Variants in SPOCK1 observed in about 807,000 individuals in gnomAD.
SPOCK1 encodes the protein testican-1.
A neutral mutation model predicts 55.3 loss-of-function variants in SPOCK1; 23 were observed. The observed-to-expected ratio is 0.42, with a 90% CI of 0.30 to 0.59. SPOCK1 has a LOEUF of 0.59. Ranked by LOEUF, SPOCK1 falls within the 20% of genes least tolerant of loss-of-function variation. SPOCK1 has a pLI of 0.22. For synonymous variants in SPOCK1, 226 were observed against 221.0 expected, an observed-to-expected ratio of 1.02 and a Z score of -0.20; for missense variants, 499 against 552.5, an observed-to-expected ratio of 0.90 and a Z score of 0.97.
intron 5 of SPOCK1, among the ~76,000 whole-genome samples, chr5:137,099,006 G>A (rs1238572747): frequency 6.6e-6 from 1 of 152,218 alleles, no homozygotes; most frequent in African/African-American, 2.4e-5. Context: ...TTCCCAAAGG[G>A]ATGTTAAAAT....
At chr5:137,174,989 T>A (rs1235411394) in intron 3 of SPOCK1, among the ~76,000 whole-genome samples, 1 of 152,126 alleles carries the variant, frequency 6.6e-6, no homozygotes, top group African/African-American at 2.4e-5. Flanking sequence ...CCCAAACCCA[T>A]GTACCCGACC....
At chr5:137,154,410 T>C (rs920374879) in intron 3 of SPOCK1, among the ~76,000 whole-genome samples, 2 of 152,160 alleles carry the variant, frequency 1.3e-5, no homozygotes, top group African/African-American at 2.4e-5. Context: ...GCCAGTGTTT[T>C]GAAGATCTGC....
At position 136,994,907 on chromosome 5, in the gene SPOCK1, A is replaced by T. The variant is rs529702013; in HGVS notation, c.590-2307T>A. 3.3e-5 allele frequency among the ~76,000 whole-genome samples: 5 copies of T among 152,224 alleles called. No homozygotes were observed. In the South Asian group the frequency reaches 1.0e-3, roughly 32 times the overall value. ...GTGATCCCAACTACTTGGAAGGCTG[A>T]CACAGGAGAATCGCTTGAACCTGGG... On this transcript the variant is annotated intron_variant, in intron 6 of 10. Transcript: ENST00000394945.
chr5:137,120,025 G>A (rs1753656875), intron 4 of SPOCK1, among the ~76,000 whole-genome samples: 1 of 152,168 alleles, frequency 6.6e-6, no homozygotes, highest in Admixed American at 6.5e-5. Context: ...CAGACGTGGG[G>A]CAATGGGAAG....
rs115841962 is a variant in SPOCK1, at chr5:137,490,151, T to G, written c.186+8222A>C. On this transcript the variant is annotated intron_variant, in intron 2 of 10. Coordinates refer to ENST00000394945, the MANE Select transcript of SPOCK1 (RefSeq NM_004598.4). The stretch of plus-strand genomic sequence containing the variant: ...TTGTGTGACAACACATTACCCTACC[T>G]GCATTAACTATTTGTTATTGCTGGG... 7.9e-3 allele frequency among the ~76,000 whole-genome samples: 1,196 copies of G among 152,340 alleles called. 13 individuals are homozygous for G. The highest frequency in any genetic ancestry group is 0.027 in the African/African-American group (1,128 of 41,590).
intron 2 of SPOCK1, among the ~76,000 whole-genome samples, chr5:137,310,592 T>C (rs1464303305): frequency 6.6e-6 from 1 of 152,154 alleles, no homozygotes; most frequent in African/African-American, 2.4e-5. Context: ...AAAGGAGAAT[T>C]TGCACAAAAA....
chr5:137,053,637 C>T (rs1458095056), intron 6 of SPOCK1, among the ~76,000 whole-genome samples: 7 of 132,962 alleles, frequency 5.3e-5, no homozygotes, highest in African/African-American at 2.9e-5. Context: ...TTCTGGGCTT[C>T]GGCTCAGTCA....
At chr5:137,173,014 T>A (rs1754782564) in intron 3 of SPOCK1, among the ~76,000 whole-genome samples, 1 of 152,186 alleles carries the variant, frequency 6.6e-6, no homozygotes, top group African/African-American at 2.4e-5. Flanking sequence ...TTTTATCCCC[T>A]ACCCAATATC....
At chr5:137,076,698 A>G (rs1752771582) in intron 5 of SPOCK1, among the ~76,000 whole-genome samples, 1 of 151,708 alleles carries the variant, frequency 6.6e-6, no homozygotes, top group African/African-American at 2.4e-5. Flanking sequence ...TCTTAAAGTC[A>G]TACCATTTTC....
chr5:137,442,017 T>C (rs766674876), intron 2 of SPOCK1, among the ~76,000 whole-genome samples: 1 of 152,158 alleles, frequency 6.6e-6, no homozygotes, highest in Non-Finnish European at 1.5e-5. Context: ...AACAACCTCC[T>C]TCCACTTCTA....
chr5:137,322,269 G>A (rs570727174), intron 2 of SPOCK1, among the ~76,000 whole-genome samples: 30 of 151,758 alleles, frequency 2.0e-4, no homozygotes, highest in African/African-American at 7.0e-4. Flanking sequence ...AGAAGTCGAG[G>A]CTGCAGTCAG....
Position 136,975,394 on chromosome 5 carries a change from T to A in SPOCK1, c.*3260A>T, listed in dbSNP as rs1337838521. ...ATTAACCAAAGAGTTGTGTTCACATTCCAGATAAGTCTACGTGGAAAAGCA... is the reference window on the plus strand; with the variant it reads ...ATTAACCAAAGAGTTGTGTTCACATACCAGATAAGTCTACGTGGAAAAGCA... On this transcript the variant is annotated 3_prime_UTR_variant, in exon 11 of 11. Transcript: ENST00000394945. The A allele has an allele frequency of 6.6e-6, 1 of 152,654 alleles. No individual in the cohort carries two copies. The highest frequency in any genetic ancestry group is 1.5e-5 in the Non-Finnish European group (1 of 68,038). 9.5% of individuals were successfully genotyped at this position (152,654 alleles called of 1,614,324 possible).
chr5:137,440,932 C>T (rs548442905), intron 2 of SPOCK1, among the ~76,000 whole-genome samples: 5 of 152,330 alleles, frequency 3.3e-5, no homozygotes, highest in Non-Finnish European at 4.4e-5. Context: ...GCACTTATTG[C>T]TGCCATTCAG....
At chr5:137,296,865 T>G (rs370490901) in intron 2 of SPOCK1, among the ~76,000 whole-genome samples, 1 of 152,284 alleles carries the variant, frequency 6.6e-6, no homozygotes, top group East Asian at 1.9e-4. Context: ...GCAGGCTTCC[T>G]GAGACCAGGC....
intron 7 of SPOCK1, among the ~76,000 whole-genome samples, chr5:136,990,139 T>C (rs1460922740): frequency 6.6e-6 from 1 of 152,152 alleles, no homozygotes; most frequent in Non-Finnish European, 1.5e-5. Context: ...CTCGATCTCC[T>C]GACCTCGTGA....
At chr5:137,277,123 T>C (rs1009805323) in intron 2 of SPOCK1, among the ~76,000 whole-genome samples, 2 of 152,148 alleles carry the variant, frequency 1.3e-5, no homozygotes, top group Non-Finnish European at 2.9e-5. Flanking sequence ...CAAGTGATCC[T>C]CCTGCCTCAT....
intron 2 of SPOCK1, among the ~76,000 whole-genome samples, chr5:137,298,307 T>C (rs1179252272): frequency 2.0e-5 from 3 of 152,206 alleles, no homozygotes; most frequent in African/African-American, 7.2e-5. Flanking sequence ...TTTAGGATTT[T>C]GTTGATATTG....
In SPOCK1 at chr5:137,217,202, T is replaced by A. The variant is rs564707257; in HGVS notation, c.232+49808A>T. 1.1e-4 allele frequency among the ~76,000 whole-genome samples: 16 copies of A among 152,288 alleles called. No homozygotes were observed. In the South Asian group the frequency reaches 2.5e-3, roughly 24 times the overall value. On this transcript the variant is annotated intron_variant, in intron 3 of 10. Transcript: ENST00000394945. The stretch of plus-strand genomic sequence containing the variant: ...TTCAAACATAATGAATAAATAAACA[T>A]GCTCCCAGTGACAAAGCAGCACTTT...
intron 6 of SPOCK1, among the ~76,000 whole-genome samples, chr5:137,032,466 G>C (rs1751799680): frequency 6.6e-6 from 1 of 152,164 alleles, no homozygotes; most frequent in Admixed American, 6.5e-5. Flanking sequence ...GAGTGGGAAG[G>C]AGAAAAGAAC....
Sources: allele counts gnomAD v4.1 joint callset (sites outside exome capture counted in the v4.1 genomes callset), GRCh38; gene constraint gnomAD v4.1.1; transcripts MANE v1.5; gene names NCBI Gene and HGNC (gene_info 2026-07-23, HGNC 2026-07-21).